ALPL: variants seen among roughly 807,000 people sequenced by gnomAD.
The protein encoded by ALPL is alkaline phosphatase, tissue-nonspecific isozyme.
A neutral mutation model predicts 51.3 loss-of-function variants in ALPL; 42 were observed. The observed-to-expected ratio is 0.82, with a 90% CI of 0.64 to 1.06. The LOEUF is 1.06. Ranked by LOEUF, ALPL falls within the 50% of genes least tolerant of loss-of-function variation. The probability of loss-of-function intolerance (pLI) is 0.00; values close to 1 mark genes in which losing one functional copy is unlikely to be tolerated. For missense variants in ALPL, 589 were observed against 709.4 expected (o/e 0.83, Z 1.93); for synonymous variants, 279 against 296.4 (o/e 0.94, Z 0.60).
At chr1:21,534,555 G>C (rs1277975035) in intron 1 of ALPL, among the ~76,000 whole-genome samples, 1 of 152,160 alleles carries the variant, frequency 6.6e-6, no homozygotes, top group Non-Finnish European at 1.5e-5. Context: ...TAGTGGATGT[G>C]GGCTTTGCCA....
intron 1 of ALPL, among the ~76,000 whole-genome samples, chr1:21,544,017 A>G (rs368769958): frequency 1.3e-5 from 2 of 152,168 alleles, no homozygotes; most frequent in African/African-American, 4.8e-5. Context: ...TAGGTCCCAC[A>G]TGGAGGCCTG....
intron 6 of ALPL, among the ~76,000 whole-genome samples, 164 bp from the exon 7 acceptor site, chr1:21,567,940 G>A (rs1054047827): frequency 2.6e-5 from 4 of 152,008 alleles, no homozygotes; most frequent in Non-Finnish European, 5.9e-5. Context: ...ATCTCCCCAC[G>A]CTGGACAAGT....
At chr1:21,512,982 C>A (rs548942709) in intron 1 of ALPL, among the ~76,000 whole-genome samples, 6 of 152,224 alleles carry the variant, frequency 3.9e-5, no homozygotes, top group East Asian at 3.9e-4. Flanking sequence ...ATCGTTCTTT[C>A]TGAATTCCAG....
intron 8 of ALPL, among the ~76,000 whole-genome samples, chr1:21,572,754 A>G (rs1644667585): frequency 6.6e-6 from 1 of 152,240 alleles, no homozygotes; most frequent in East Asian, 1.9e-4. Flanking sequence ...CATGGGACAC[A>G]TGGAACTTTG....
At chr1:21,561,666 C>CTTTTTTTT (rs11296484) in intron 4 of ALPL, among the ~76,000 whole-genome samples, 19 of 112,388 alleles carry the variant, frequency 1.7e-4, no homozygotes, top group African/African-American at 6.4e-4. Context: ...CTATATATGC[C>CTTTTTTTT]TTTTTTTTTT....
intron 1 of ALPL, among the ~76,000 whole-genome samples, chr1:21,527,157 C>T (rs935518109): frequency 2.0e-5 from 3 of 151,296 alleles, no homozygotes; most frequent in African/African-American, 4.8e-5. Flanking sequence ...CTCAGCCTCC[C>T]GAGTAGCTGG....
At chr1:21,560,586 A>C in intron 2 of ALPL, 40 bp from the exon 3 acceptor site, 3 of 1,612,642 alleles carry the variant, frequency 1.9e-6, no homozygotes, top group Non-Finnish European at 2.5e-6. Context: ...ATAGGAGGCT[A>C]TCCTTACCCC....
At chr1:21,541,643 C>T (rs1271456143) in intron 1 of ALPL, among the ~76,000 whole-genome samples, 3 of 152,200 alleles carry the variant, frequency 2.0e-5, no homozygotes, top group Non-Finnish European at 4.4e-5. Context: ...ATTAATTTCA[C>T]CAAGGGCTTC....
chr1:21,520,927 C>T (rs1287392061), intron 1 of ALPL, among the ~76,000 whole-genome samples: 1 of 152,172 alleles, frequency 6.6e-6, no homozygotes, highest in East Asian at 1.9e-4. Context: ...AGGTCTTTCC[C>T]CAGCTGTGTC....
chr1:21,558,284 G>C (rs1257906504), intron 2 of ALPL, among the ~76,000 whole-genome samples: 1 of 152,218 alleles, frequency 6.6e-6, no homozygotes, highest in Non-Finnish European at 1.5e-5. Context: ...GCTGATGTCA[G>C]CCCAGCCCTG....
At chr1:21,525,960 C>G (rs542702203) in intron 1 of ALPL, among the ~76,000 whole-genome samples, 1 of 152,150 alleles carries the variant, frequency 6.6e-6, no homozygotes, top group Non-Finnish European at 1.5e-5. Flanking sequence ...TGCACTCCAG[C>G]CTGGGCAACA....
intron 1 of ALPL, among the ~76,000 whole-genome samples, chr1:21,525,303 G>A (rs1195622185): frequency 6.6e-6 from 1 of 152,244 alleles, no homozygotes; most frequent in Admixed American, 6.5e-5. Context: ...TCCTCATCCC[G>A]CCACACGCTC....
At chr1:21,572,638 C>A (rs1171369203) in intron 8 of ALPL, among the ~76,000 whole-genome samples, 1 of 152,102 alleles carries the variant, frequency 6.6e-6, no homozygotes, top group African/African-American at 2.4e-5. Context: ...CCAAGTGAAC[C>A]CTGTGTGCAT....
intron 1 of ALPL, among the ~76,000 whole-genome samples, chr1:21,552,132 C>CT (rs1644338603): frequency 8.5e-6 from 1 of 117,210 alleles, no homozygotes; most frequent in Non-Finnish European, 1.8e-5. Context: ...CCTCCCTCCC[C>CT]TCCCCTCCCC....
intron 1 of ALPL, among the ~76,000 whole-genome samples, chr1:21,533,997 G>A (rs546905436): frequency 5.6e-4 from 85 of 152,094 alleles, no homozygotes; most frequent in African/African-American, 1.9e-3. Context: ...CCAAATACAG[G>A]CAGATGGGAA....
intron 11 of ALPL, among the ~76,000 whole-genome samples, 198 bp downstream of exon 11, chr1:21,576,839 G>A (rs1644744406): frequency 6.6e-6 from 1 of 152,124 alleles, no homozygotes; most frequent in Non-Finnish European, 1.5e-5. Context: ...TAGCAGCTCT[G>A]AGACTTTGGG....
intron 1 of ALPL, among the ~76,000 whole-genome samples, chr1:21,515,455 C>T (rs1405481673): frequency 2.6e-5 from 4 of 152,180 alleles, no homozygotes; most frequent in African/African-American, 9.7e-5. Context: ...GTGGCGTGAT[C>T]TCGGCTCACT....
intron 8 of ALPL, among the ~76,000 whole-genome samples, chr1:21,573,079 G>A (rs1483168861): frequency 6.6e-6 from 1 of 152,212 alleles, no homozygotes; most frequent in African/African-American, 2.4e-5. Flanking sequence ...GGGCCTCAGT[G>A]CTCCTCATCT....
At chr1:21,553,149 A>AG (rs200853494) in intron 1 of ALPL, among the ~76,000 whole-genome samples, 1 of 22,084 alleles carries the variant, frequency 4.5e-5, no homozygotes, top group Non-Finnish European at 1.3e-4. Flanking sequence ...ATTTCCTTCC[A>AG]GTTTTTTTTT....
Sources: allele counts gnomAD v4.1 joint callset (sites outside exome capture counted in the v4.1 genomes callset), GRCh38; gene constraint gnomAD v4.1.1; transcripts MANE v1.5; gene names NCBI Gene and HGNC (gene_info 2026-07-23, HGNC 2026-07-21).